The following VPS13B variants were observed in gnomAD, a reference collection of about 807,000 sequenced individuals.
The protein encoded by VPS13B is vacuolar protein sorting 13 homolog B.
Under a neutral mutation model 426.4 loss-of-function variants are expected in VPS13B, and 285 were observed. The ratio of observed to expected loss-of-function variants is 0.67; its 90% CI spans 0.61 to 0.74. The LOEUF is 0.74. VPS13B is among the 30% of genes least tolerant of loss of function. The pLI is 0.00. For missense variants in VPS13B, 4,537 were observed against 4,782.6 expected (o/e 0.95, Z 1.51); for synonymous variants, 1,676 against 1,676.4 (o/e 1.00, Z 0.01).
At chr8:99,691,206 G>A (rs1397547763) in intron 35 of VPS13B, among the ~76,000 whole-genome samples, 2 of 151,902 alleles carry the variant, frequency 1.3e-5, no homozygotes, top group Non-Finnish European at 2.9e-5. Flanking sequence ...GGGGCTGGAG[G>A]GGAGCATGAG....
intron 25 of VPS13B, among the ~76,000 whole-genome samples, chr8:99,490,398 G>T (rs1313104072): frequency 6.6e-6 from 1 of 152,148 alleles, no homozygotes; most frequent in Admixed American, 6.6e-5. Context: ...TTTGGTATCA[G>T]GCTGATGCTG....
chr8:99,756,190 T>G (rs1810633226), intron 39 of VPS13B, among the ~76,000 whole-genome samples: 1 of 152,130 alleles, frequency 6.6e-6, no homozygotes, highest in African/African-American at 2.4e-5. Flanking sequence ...ATTCCAGAAT[T>G]GAAAAGTGTA....
intron 25 of VPS13B, among the ~76,000 whole-genome samples, chr8:99,500,394 G>C (rs1207462954): frequency 6.6e-6 from 1 of 152,086 alleles, no homozygotes; most frequent in Non-Finnish European, 1.5e-5. Context: ...AGTTCAACTT[G>C]ATAATGATAA....
rs111920561 is a variant in VPS13B at position 99,195,694 on chromosome 8, A to G, written c.2515+2637A>G. Among the ~76,000 whole-genome samples the G allele has an allele frequency of 6.6e-5, 10 of 152,298 alleles. No individual in the cohort carries two copies. The South Asian group carries it at 2.1e-3, about 32-fold the overall frequency. ...TTCTTCTAGTAGATTTACGTTTCAG[A>G]TCTTATATTTAAGTCTTTAATCCCT... On this transcript the variant is annotated intron_variant, in intron 17 of 61. Transcript: ENST00000357162.
At chr8:99,590,553 TTC>T (rs1361558740) in intron 33 of VPS13B, among the ~76,000 whole-genome samples, 1 of 152,216 alleles carries the variant, frequency 6.6e-6, no homozygotes, top group African/African-American at 2.4e-5. Context: ...TCTCATTGGT[TTC>T]AAAGAACATC....
At chr8:99,385,887 G>A (rs1239297163) in intron 20 of VPS13B, among the ~76,000 whole-genome samples, 1 of 152,178 alleles carries the variant, frequency 6.6e-6, no homozygotes, top group Non-Finnish European at 1.5e-5. Flanking sequence ...AGTGATTCCA[G>A]AATGGAGTCA....
Position 99,135,731 on chromosome 8 carries a change from A to G in VPS13B, c.1561A>G (p.Lys521Glu). ...ATTTATCTTGGATTCAACTCATCAT[A>G]AGGTTAGAGAATATATATTTGAACC... Reference protein sequence around the residue: ...AEFILDSTHHKETYTEIAGMQ... With the variant: ...AEFILDSTHHEETYTEIAGMQ... The change falls in exon 11 of 62, where the codon AAG (lysine) becomes GAG (glutamate). Residue 521 changes from lysine (K) to glutamate (E), a missense_variant and splice_region_variant. Physicochemically the swap from Lys to Glu is moderately conservative, Grantham distance 56. Transcript: ENST00000357162. The G allele has an allele frequency of 6.2e-7, 1 of 1,613,168 alleles. No homozygotes were observed. Among genetic ancestry groups the G allele is most frequent in the East Asian group, 2.2e-5 (1 of 44,798 alleles).
In VPS13B at chr8:99,252,833, A is replaced by T. The variant is rs142036041; in HGVS notation, c.2516-21365A>T. Among the ~76,000 whole-genome samples, 926 of 152,218 alleles carry T rather than the reference A, an allele frequency of 6.1e-3. 13 individuals carry two copies. Among genetic ancestry groups the T allele is most frequent in the African/African-American group, 0.021 (881 of 41,550 alleles). On this transcript the variant is annotated intron_variant, in intron 17 of 61. Coordinates refer to ENST00000357162, the MANE Select transcript of VPS13B (RefSeq NM_152564.5). The stretch of plus-strand genomic sequence containing the variant: ...TTTTTTAAAAAAAAATTGAGATAAA[A>T]TTCACATAACAGAAAACGTATCATA...
intron 33 of VPS13B, among the ~76,000 whole-genome samples, chr8:99,582,216 T>G (rs1207428173): frequency 6.6e-6 from 1 of 152,226 alleles, no homozygotes; most frequent in East Asian, 1.9e-4. Flanking sequence ...ATTAGTTTAT[T>G]TATTATAATA....
intron 23 of VPS13B, among the ~76,000 whole-genome samples, chr8:99,456,481 C>G (rs1022094124): frequency 2.0e-5 from 3 of 151,950 alleles, no homozygotes; most frequent in African/African-American, 7.3e-5. Flanking sequence ...TTATTGAAAC[C>G]TTTTAAAAAA....
intron 43 of VPS13B, among the ~76,000 whole-genome samples, chr8:99,808,182 A>C (rs888662220): frequency 2.0e-5 from 3 of 152,186 alleles, no homozygotes; most frequent in South Asian, 2.1e-4. Context: ...ATATGAAAGA[A>C]AGATTTAAAT....
chr8:99,175,646 G>T (rs538035522), intron 16 of VPS13B, among the ~76,000 whole-genome samples: 1 of 152,064 alleles, frequency 6.6e-6, no homozygotes, highest in African/African-American at 2.4e-5. Flanking sequence ...AGTCTCAGCT[G>T]TTTAGGAGGC....
At chr8:99,039,175 C>T (rs1024224987) in intron 3 of VPS13B, among the ~76,000 whole-genome samples, 3 of 152,110 alleles carry the variant, frequency 2.0e-5, no homozygotes, top group African/African-American at 7.2e-5. Flanking sequence ...TTTACATTAA[C>T]ATTTTTAGAT....
At chr8:99,818,026 C>T (rs1016310968) in intron 45 of VPS13B, among the ~76,000 whole-genome samples, 2 of 152,152 alleles carry the variant, frequency 1.3e-5, no homozygotes, top group African/African-American at 2.4e-5. Context: ...CCCTCCCAGA[C>T]GCAAGTGATA....
chr8:99,526,467 C>G (rs1331107393), intron 30 of VPS13B, among the ~76,000 whole-genome samples: 2 of 152,006 alleles, frequency 1.3e-5, no homozygotes, highest in Non-Finnish European at 2.9e-5. Context: ...GCGGCTTGGG[C>G]AAAGTTAGTA....
At chr8:99,874,499 T>C (rs573255356) in intron 61 of VPS13B, among the ~76,000 whole-genome samples, 1 of 152,332 alleles carries the variant, frequency 6.6e-6, no homozygotes, top group South Asian at 2.1e-4. Context: ...CACGCAGAAC[T>C]AGAAACAAGT....
chr8:99,747,301 T>C (rs1810140220), intron 39 of VPS13B, among the ~76,000 whole-genome samples: 1 of 151,544 alleles, frequency 6.6e-6, no homozygotes, highest in South Asian at 2.1e-4. Context: ...AAAAAAAAAG[T>C]TTTAATTTTG....
chr8:99,664,778 ACGTGTG>A (rs1830406593), intron 35 of VPS13B, among the ~76,000 whole-genome samples: 1 of 152,166 alleles, frequency 6.6e-6, no homozygotes, highest in African/African-American at 2.4e-5. Context: ...CAATAAACAT[ACGTGTG>A]CATGTGTCTT....
intron 2 of VPS13B, among the ~76,000 whole-genome samples, chr8:99,035,748 T>G (rs1452979785): frequency 6.6e-6 from 1 of 152,046 alleles, no homozygotes; most frequent in African/African-American, 2.4e-5. Flanking sequence ...AACCTCCATA[T>G]TATGTTCTGT....
Sources: gnomAD v4.1 joint callset for allele counts (sites outside exome capture counted in the v4.1 genomes callset) on GRCh38, gnomAD v4.1.1 for gene constraint, MANE v1.5 for transcripts, NCBI Gene and HGNC (gene_info 2026-07-23, HGNC 2026-07-21) for gene names.